The following CAMK4 variants were observed in gnomAD, a reference collection of about 807,000 sequenced individuals.
The protein encoded by CAMK4 is calcium/calmodulin dependent protein kinase IV.
CAMK4 carries 22 observed loss-of-function variants against 44.9 expected under a neutral mutation model. The observed-to-expected ratio is 0.49, with a 90% CI of 0.35 to 0.70. The LOEUF (loss-of-function observed/expected upper bound fraction) is 0.70. Ranked by LOEUF, CAMK4 falls within the 30% of genes least tolerant of loss-of-function variation. The pLI is 0.01. For missense variants in CAMK4, 498 were observed against 586.8 expected (o/e 0.85, Z 1.56); for synonymous variants, 218 against 215.4 (o/e 1.01, Z -0.11).
At position 111,482,641 on chromosome 5, in the gene CAMK4, C is replaced by T. The variant is rs760226598; in HGVS notation, c.829-144C>T. The T allele has an allele frequency of 1.7e-6, 1 of 589,888 alleles. No homozygotes were observed. The highest frequency in any genetic ancestry group is 1.9e-5 in the African/African-American group (1 of 51,946). 36.5% of individuals were successfully genotyped at this position (589,888 alleles called of 1,614,324 possible). On this transcript the variant is annotated intron_variant, in intron 9 of 10. Coordinates refer to ENST00000282356, the MANE Select transcript of CAMK4 (RefSeq NM_001744.6). This position sits in a 1 kb window ranked among gnomAD's most constrained non-coding sequence, Gnocchi z 4.9. The stretch of plus-strand genomic sequence containing the variant: ...TGAAGCTGTGCCTACCTACAGTGGC[C>T]CCTGAGGACTTAAACAATTTTTTTC...
At chr5:111,233,767 T>A (rs1214995902) in intron 1 of CAMK4, among the ~76,000 whole-genome samples, 1 of 152,324 alleles carries the variant, frequency 6.6e-6, no homozygotes, top group East Asian at 1.9e-4. Context: ...AGGTGGATAA[T>A]TAAGGTCATT....
At chr5:111,326,758 A>G (rs548233910) in intron 1 of CAMK4, among the ~76,000 whole-genome samples, 147 of 151,968 alleles carry the variant, frequency 9.7e-4, no homozygotes, top group African/African-American at 3.3e-3. Flanking sequence ...GCAGTTGCAC[A>G]ATACAGGGAA....
chr5:111,473,253 A>G (rs1755124587), intron 7 of CAMK4, 58 bp from the exon 8 acceptor site: 1 of 1,102,680 alleles, frequency 9.1e-7, no homozygotes, highest in Non-Finnish European at 1.4e-6. Context: ...ATTGCTTGAT[A>G]TTAAAATATA....
intron 1 of CAMK4, among the ~76,000 whole-genome samples, chr5:111,297,920 G>T (rs1401416965): frequency 6.6e-6 from 1 of 152,142 alleles, no homozygotes; most frequent in East Asian, 1.9e-4. Flanking sequence ...AGACACACAG[G>T]ATTTGCGTAT....
rs1307024624 is a variant in CAMK4 at position 111,395,226 on chromosome 5, AAG to A, written c.459+446_459+447del. ...GACCCTGTCTCAAAAAAAAAAAAAA[AAG>A]AAAAAAAAAAAGAAAAAGAAAAAAG... On this transcript the variant is annotated intron_variant, in intron 5 of 10. Coordinates refer to ENST00000282356, the MANE Select transcript of CAMK4 (RefSeq NM_001744.6). Among the ~76,000 whole-genome samples the A allele has an allele frequency of 1.6e-3, 167 of 107,220 alleles. 2 individuals are homozygous for A. The highest frequency in any genetic ancestry group is 4.1e-3 in the Middle Eastern group (1 of 246). The allele number at this position is 107,220 out of a possible 152,430, so 70.3% of individuals were successfully genotyped here.
At chr5:111,234,116 A>G (rs928428444) in intron 1 of CAMK4, among the ~76,000 whole-genome samples, 9 of 152,246 alleles carry the variant, frequency 5.9e-5, no homozygotes, top group African/African-American at 2.2e-4. Flanking sequence ...ATTTTATTGG[A>G]TGGTGACTGG....
intron 5 of CAMK4, among the ~76,000 whole-genome samples, chr5:111,410,861 ACTTTGATTTTATTAT>A (rs1752608279): frequency 6.6e-6 from 1 of 152,080 alleles, no homozygotes; most frequent in Non-Finnish European, 1.5e-5. Flanking sequence ...TGACCGTGGA[ACTTTGATTTTATTAT>A]TATTAAACAG....
intron 1 of CAMK4, among the ~76,000 whole-genome samples, chr5:111,297,505 C>T (rs1013098423): frequency 6.6e-6 from 1 of 152,212 alleles, no homozygotes. Context: ...AGAAATTCAA[C>T]TATACTGATT....
chr5:111,389,159 T>C (rs912256282), intron 4 of CAMK4, among the ~76,000 whole-genome samples: 2 of 152,208 alleles, frequency 1.3e-5, no homozygotes, highest in African/African-American at 4.8e-5. Flanking sequence ...TTTTGATTCA[T>C]GGATGGCACT....
chr5:111,369,065 A>T (rs56200439), intron 2 of CAMK4, among the ~76,000 whole-genome samples: 3,540 of 148,650 alleles, frequency 0.024, 56 homozygotes, highest in African/African-American at 0.041. Context: ...TAATAATAAT[A>T]ATTATTATTA....
intron 1 of CAMK4, among the ~76,000 whole-genome samples, chr5:111,238,955 C>T (rs967830985): frequency 6.6e-6 from 1 of 151,460 alleles, no homozygotes; most frequent in African/African-American, 2.4e-5. Context: ...CCTTGGATCC[C>T]ACTGTGCATC....
intron 1 of CAMK4, among the ~76,000 whole-genome samples, chr5:111,328,812 T>C (rs1327268978): frequency 6.6e-6 from 1 of 152,044 alleles, no homozygotes; most frequent in Non-Finnish European, 1.5e-5. Flanking sequence ...GCTCTCTGTT[T>C]GTCTGTTATT....
intron 5 of CAMK4, among the ~76,000 whole-genome samples, chr5:111,417,147 A>G (rs141322088): frequency 8.8e-4 from 134 of 152,088 alleles, no homozygotes; most frequent in African/African-American, 2.7e-3. Context: ...CTGCAGCCTC[A>G]ATCTTCTGTG....
At chr5:111,406,194 T>TTTTC (rs1554068653) in intron 5 of CAMK4, among the ~76,000 whole-genome samples, 12 of 136,744 alleles carry the variant, frequency 8.8e-5, no homozygotes, top group Non-Finnish European at 1.2e-4. Context: ...CTAATTTATT[T>TTTTC]TCTCTCTCTC....
chr5:111,469,179 ATATAT>A (rs1754973996), intron 7 of CAMK4, among the ~76,000 whole-genome samples: 1 of 60,646 alleles, frequency 1.6e-5, no homozygotes, highest in Non-Finnish European at 3.4e-5. Context: ...AAAAATATAT[ATATAT>A]ATATATATAT....
chr5:111,485,610 C>T lies in CAMK4; in HGVS notation c.*1144C>T, dbSNP rs554113240. ...ATGAAAAGCTAGTATGTCTTTTTCT[C>T]GTATTTGGAATGAAAGTACCCACAT... On this transcript the variant is annotated 3_prime_UTR_variant, in exon 11 of 11. Coordinates refer to ENST00000282356, the MANE Select transcript of CAMK4 (RefSeq NM_001744.6). The T allele has an allele frequency of 1.6e-4, 25 of 152,062 alleles. No homozygotes were observed. The highest frequency in any genetic ancestry group is 4.2e-4 in the South Asian group (2 of 4,806). The allele number at this position is 152,062 out of a possible 1,614,324, so 9.4% of individuals were successfully genotyped here.
intron 5 of CAMK4, among the ~76,000 whole-genome samples, chr5:111,406,102 A>G (rs1242900182): frequency 6.8e-6 from 1 of 147,556 alleles, no homozygotes; most frequent in South Asian, 2.2e-4. Context: ...TACTTCCTTT[A>G]TAAGGTTTTA....
chr5:111,429,084 T>G (rs796289745), intron 5 of CAMK4, among the ~76,000 whole-genome samples: 21 of 151,732 alleles, frequency 1.4e-4, no homozygotes, highest in African/African-American at 5.1e-4. Context: ...CTTAAAGAAT[T>G]AGAAAAGCAA....
intron 2 of CAMK4, among the ~76,000 whole-genome samples, chr5:111,361,391 G>T (rs985793993): frequency 6.6e-6 from 1 of 151,926 alleles, no homozygotes; most frequent in Non-Finnish European, 1.5e-5. Context: ...TTTGGGAATT[G>T]TGCACATAAA....
Sources: gnomAD v4.1 joint callset for allele counts (sites outside exome capture counted in the v4.1 genomes callset) on GRCh38, gnomAD v4.1.1 for gene constraint, Gnocchi (gnomAD v3.1) non-coding constraint, MANE v1.5 for transcripts, NCBI Gene and HGNC (gene_info 2026-07-23, HGNC 2026-07-21) for gene names.